Variants in HOXC4 observed in about 807,000 individuals in gnomAD.
HOXC4 encodes homeobox protein Hox-C4.
In HOXC4, 15 loss-of-function variants were observed where a neutral mutation model predicts 25.5. That is an observed-to-expected ratio of 0.59 (90% CI 0.39 to 0.91). The LOEUF is 0.91. HOXC4 is among the 40% of genes least tolerant of loss of function. The probability of loss-of-function intolerance (pLI) is 0.00; values close to 1 mark genes in which losing one functional copy is unlikely to be tolerated. For missense variants in HOXC4, 342 were observed against 352.4 expected (o/e 0.97, Z 0.24); for synonymous variants, 165 against 148.0 (o/e 1.11, Z -0.83).
chr12:54,038,192 G>A (rs1941219276), intron 1 of HOXC4, among the ~76,000 whole-genome samples: 1 of 152,142 alleles, frequency 6.6e-6, no homozygotes, highest in African/African-American at 2.4e-5. Context: ...GGAAGATGGG[G>A]GAGCTTGTCT....
At chr12:54,024,335 G>A (rs1298785694) in intron 1 of HOXC4, among the ~76,000 whole-genome samples, 2 of 152,180 alleles carry the variant, frequency 1.3e-5, no homozygotes, top group Non-Finnish European at 2.9e-5. Context: ...TGAGGCTCCA[G>A]TGCTTGGGTC....
chr12:54,054,349 C>A lies in HOXC4; in HGVS notation c.427C>A (p.His143Asn). 6.4e-7 allele frequency: 1 copy of A among 1,551,530 alleles called. No homozygotes were observed. The highest frequency in any genetic ancestry group is 1.2e-5 in the South Asian group (1 of 81,634). ...PIVYPWMKKI[H>N]VSTVNPNYNG... ...AGTCTACCCATGGATGAAAAAAATTCACGTTAGCACGGGTAGGCAACTTTG... is the reference window on the plus strand; with the variant it reads ...AGTCTACCCATGGATGAAAAAAATTAACGTTAGCACGGGTAGGCAACTTTG... The change falls in exon 1 of 2, where the codon CAC (histidine) becomes AAC (asparagine). Residue 143 changes from histidine (H) to asparagine (N), a missense_variant. His to Asn is a moderately conservative substitution (Grantham distance 68, BLOSUM62 1). Coordinates refer to ENST00000430889, the MANE Select transcript of HOXC4 (RefSeq NM_153633.3).
At chr12:54,037,798 G>C (rs1941212574) in intron 1 of HOXC4, 1 of 152,174 alleles carries the variant, frequency 6.6e-6, no homozygotes, top group Admixed American at 6.5e-5. Flanking sequence ...TGGCTCTTGG[G>C]GGACCACGTG....
intron 1 of HOXC4, among the ~76,000 whole-genome samples, chr12:54,039,374 CAAAT>C (rs1461064934): frequency 6.6e-6 from 1 of 152,020 alleles, no homozygotes; most frequent in African/African-American, 2.4e-5. Context: ...CACAGAGGCC[CAAAT>C]AAATGGGGAG....
chr12:54,028,413 TG>T (rs1391925314), intron 1 of HOXC4: 2 of 1,243,750 alleles, frequency 1.6e-6, no homozygotes, highest in African/African-American at 3.0e-5. Flanking sequence ...TTTGTCATTT[TG>T]TCTGTCCTGG....
intron 1 of HOXC4, chr12:54,028,621 G>A (rs765400909): frequency 1.9e-6 from 3 of 1,614,126 alleles, no homozygotes; most frequent in Non-Finnish European, 2.5e-6. Context: ...CTATGATCCA[G>A]TGAGGCATTT....
chr12:54,026,970 G>GA (rs1386982640), intron 1 of HOXC4, among the ~76,000 whole-genome samples: 1 of 138,060 alleles, frequency 7.2e-6, no homozygotes, highest in Non-Finnish European at 1.6e-5. Context: ...ATGGTGGGGG[G>GA]GGGGGGATAT....
At chr12:54,022,298 TCTC>T (rs1940485947) in intron 1 of HOXC4, 1 of 152,090 alleles carries the variant, frequency 6.6e-6, no homozygotes, top group Non-Finnish European at 1.5e-5. Flanking sequence ...CCACACTCCC[TCTC>T]CTCAGCCCCC....
At chr12:54,035,613 C>A (rs745375517) in intron 1 of HOXC4, among the ~76,000 whole-genome samples, 1 of 152,218 alleles carries the variant, frequency 6.6e-6, no homozygotes, top group South Asian at 2.1e-4. Flanking sequence ...CTGTCCAAGG[C>A]CTTCACGCCT....
upstream of HOXC4, among the ~76,000 whole-genome samples, chr12:54,049,473 A>T (rs114118598): frequency 0.026 from 3,919 of 152,236 alleles, 186 homozygotes; most frequent in African/African-American, 0.089. Context: ...ACCTTGCCTA[A>T]GGTCTCCAAA....
chr12:54,031,796 G>A (rs898266624), intron 1 of HOXC4, among the ~76,000 whole-genome samples: 1 of 152,182 alleles, frequency 6.6e-6, no homozygotes, highest in African/African-American at 2.4e-5. Context: ...TTGGGGCTAC[G>A]GGGGAAGAGG....
Position 54,054,827 on chromosome 12 carries a change from ATTTGC to A in HOXC4, c.440-19_440-15del. 2 of 1,543,804 alleles carry A rather than the reference ATTTGC, an allele frequency of 1.3e-6. No individual in the cohort carries two copies. Among genetic ancestry groups the A allele is most frequent in the Non-Finnish European group, 1.8e-6 (2 of 1,124,292 alleles). Reference sequence around the variant, plus strand: ...GAGCCTGCTGCCTCTGAACCCCACTATTTGCTTTTCCCCTCCCCCCAGTGAACCCC... The same window carrying A: ...GAGCCTGCTGCCTCTGAACCCCACTATTTTCCCCTCCCCCCAGTGAACCCC... On this transcript the variant is annotated intron_variant, in intron 1 of 1. Coordinates refer to ENST00000430889, the MANE Select transcript of HOXC4 (RefSeq NM_153633.3).
intron 1 of HOXC4, among the ~76,000 whole-genome samples, chr12:54,025,790 T>A (rs1940668581): frequency 6.6e-6 from 1 of 152,096 alleles, no homozygotes; most frequent in Non-Finnish European, 1.5e-5. Flanking sequence ...CCCACCGACT[T>A]TAGGCCCCAA....
chr12:54,054,383 T>TGCCCC, intron 1 of HOXC4, 22 bp downstream of exon 1: 1 of 1,468,178 alleles, frequency 6.8e-7, no homozygotes, highest in Non-Finnish European at 9.1e-7. Context: ...TGCTTTTTGC[T>TGCCCC]CCCCCCCTCC....
intron 1 of HOXC4, chr12:54,034,764 G>A: frequency 2.2e-6 from 1 of 460,418 alleles, no homozygotes; most frequent in Non-Finnish European, 4.0e-6. Flanking sequence ...TTCCCCGGAG[G>A]GCTGCGGCGT....
chr12:54,033,292 C>G (rs1401478868), intron 1 of HOXC4: 4 of 1,614,202 alleles, frequency 2.5e-6, no homozygotes, highest in Non-Finnish European at 3.4e-6. Context: ...CCTTCCAACT[C>G]TCTCCACGGG....
At chr12:54,029,827 C>T in intron 1 of HOXC4, 1 of 1,614,068 alleles carries the variant, frequency 6.2e-7, no homozygotes, top group Non-Finnish European at 8.5e-7. Flanking sequence ...GGTTCCAGAA[C>T]CGCCGGATGA....
chr12:54,044,808 C>T (rs536688920), intron 1 of HOXC4, among the ~76,000 whole-genome samples: 1 of 152,004 alleles, frequency 6.6e-6, no homozygotes, highest in South Asian at 2.1e-4. Context: ...TAAATAACTC[C>T]ATTTCCTAAT....
At chr12:54,049,271 A>G (rs1455124706), upstream of HOXC4, among the ~76,000 whole-genome samples, 2 of 152,238 alleles carry the variant, frequency 1.3e-5, no homozygotes, top group Admixed American at 6.5e-5. Flanking sequence ...ACAAATTTCA[A>G]TGGAGTTTCC....
Sources: allele counts gnomAD v4.1 joint callset (sites outside exome capture counted in the v4.1 genomes callset), GRCh38; gene constraint gnomAD v4.1.1; transcripts MANE v1.5; gene names NCBI Gene and HGNC (gene_info 2026-07-23, HGNC 2026-07-21).